The following STAP1 variants were observed in gnomAD, a reference collection of about 807,000 sequenced individuals.
The protein encoded by STAP1 is signal transducing adaptor family member 1.
Under a neutral mutation model 37.8 loss-of-function variants are expected in STAP1, and 30 were observed. That is an observed-to-expected ratio of 0.79 (90% CI 0.59 to 1.08). The LOEUF (loss-of-function observed/expected upper bound fraction) is 1.08. STAP1 is among the 50% of genes least tolerant of loss of function. STAP1 has a pLI of 0.00. For missense variants in STAP1, 357 were observed against 349.4 expected, an observed-to-expected ratio of 1.02 and a Z score of -0.17; for synonymous variants, 130 against 116.0, an observed-to-expected ratio of 1.12 and a Z score of -0.78.
In STAP1 at chr4:67,593,348, A is replaced by C. The variant is rs756099598; in HGVS notation, c.818A>C (p.Glu273Ala). ...AGACCATTTATATGTTCAACTGATG[A>C]AAACACTGGTATGTTTTTCACTTCA... The part of the protein sequence containing the change: ...NLRPFICSTD[E>A]NTGQEPSMEG... Residue 273 changes from glutamate (E) to alanine (A), a missense_variant, in exon 8 of 9, where the codon GAA becomes GCA. By Grantham distance (107) the Glu-to-Ala change is moderately radical (BLOSUM62 -1). Coordinates refer to ENST00000265404, the MANE Select transcript of STAP1 (RefSeq NM_012108.4). 12 of 1,606,540 alleles carry C rather than the reference A, an allele frequency of 7.5e-6. No homozygotes were observed. Among genetic ancestry groups the C allele is most frequent in the Non-Finnish European group, 9.4e-6 (11 of 1,174,874 alleles).
intron 3 of STAP1, among the ~76,000 whole-genome samples, chr4:67,576,891 G>A (rs190048786): frequency 5.3e-5 from 8 of 152,316 alleles, no homozygotes; most frequent in Admixed American, 2.0e-4. Flanking sequence ...TTTAAAGCCA[G>A]TCCATTTTAA....
intron 2 of STAP1, 57 bp from the exon 3 acceptor site, chr4:67,575,328 G>T: frequency 8.4e-7 from 1 of 1,191,670 alleles, no homozygotes; most frequent in Admixed American, 2.6e-5. Flanking sequence ...CTTCCTGCTA[G>T]AACTAATGTG....
chr4:67,592,906 A>ACT (rs1728150454), intron 7 of STAP1, among the ~76,000 whole-genome samples: 1 of 151,744 alleles, frequency 6.6e-6, no homozygotes. Flanking sequence ...CTGGTCTGAA[A>ACT]CTCCTGGTCT....
At chr4:67,580,137 C>A (rs1363718444) in intron 4 of STAP1, among the ~76,000 whole-genome samples, 3 of 152,194 alleles carry the variant, frequency 2.0e-5, no homozygotes, top group African/African-American at 7.2e-5. Context: ...GGATTACAGG[C>A]ATGAGCCACT....
chr4:67,586,130 T>C (rs1226106739), intron 6 of STAP1, among the ~76,000 whole-genome samples: 1 of 152,116 alleles, frequency 6.6e-6, no homozygotes, highest in Non-Finnish European at 1.5e-5. Context: ...CTGCATGAAA[T>C]GAACAAACTC....
intron 4 of STAP1, among the ~76,000 whole-genome samples, chr4:67,577,478 T>G (rs1271140775): frequency 6.6e-6 from 1 of 152,122 alleles, no homozygotes; most frequent in Non-Finnish European, 1.5e-5. Context: ...TTGTGACAAT[T>G]GTTATGAAGA....
At chr4:67,597,765 T>A (rs1330226248) in intron 8 of STAP1, among the ~76,000 whole-genome samples, 2 of 152,212 alleles carry the variant, frequency 1.3e-5, no homozygotes, top group Non-Finnish European at 2.9e-5. Context: ...CCCCTTTGTT[T>A]TGGCCAATTT....
chr4:67,597,842 CTTTGATT>C (rs1198139282), intron 8 of STAP1, among the ~76,000 whole-genome samples: 1 of 152,140 alleles, frequency 6.6e-6, no homozygotes, highest in Non-Finnish European at 1.5e-5. Flanking sequence ...AGTAACTAAT[CTTTGATT>C]TTACAGGCTC....
At chr4:67,605,648 T>C (rs1016048144) in intron 8 of STAP1, among the ~76,000 whole-genome samples, 5 of 152,174 alleles carry the variant, frequency 3.3e-5, no homozygotes, top group Admixed American at 2.6e-4. Context: ...AGAAAAATGA[T>C]GGAAAAGTAC....
chr4:67,575,458 A>T lies in STAP1; in HGVS notation c.266A>T (p.Lys89Ile). 6.2e-7 allele frequency: 1 copy of T among 1,611,254 alleles called. No homozygotes were observed. Among genetic ancestry groups the T allele is most frequent in the Non-Finnish European group, 8.5e-7 (1 of 1,179,098 alleles). The change falls in exon 3 of 9, where the codon AAA becomes ATA. Residue 89 changes from lysine to isoleucine, a missense_variant. By Grantham distance (102) the Lys-to-Ile change is moderately radical (BLOSUM62 -3). Coordinates refer to ENST00000265404, the MANE Select transcript of STAP1 (RefSeq NM_012108.4). ...AATTCAACTGAAAAGAACTGTGCGAAATTCACCCTTGTTTTGCCGAAAGAG... is the reference window on the plus strand; with the variant it reads ...AATTCAACTGAAAAGAACTGTGCGATATTCACCCTTGTTTTGCCGAAAGAG... ...EQNSTEKNCA[K>I]FTLVLPKEEV...
chr4:67,580,039 A>T (rs1727816089), intron 4 of STAP1, among the ~76,000 whole-genome samples: 1 of 152,070 alleles, frequency 6.6e-6, no homozygotes, highest in African/African-American at 2.4e-5. Context: ...TTGTATTTTT[A>T]TTAGAAACGG....
chr4:67,580,149 C>T (rs868403602), intron 4 of STAP1, among the ~76,000 whole-genome samples: 2 of 152,298 alleles, frequency 1.3e-5, no homozygotes, highest in Middle Eastern at 3.4e-3. Flanking sequence ...TGAGCCACTG[C>T]GCCCTCCCGT....
chr4:67,573,053 C>G (rs1727640636), intron 2 of STAP1, among the ~76,000 whole-genome samples: 1 of 152,122 alleles, frequency 6.6e-6, no homozygotes, highest in African/African-American at 2.4e-5. Flanking sequence ...GAAGAAAGCA[C>G]TGGGATAGAC....
At chr4:67,588,140 ATC>A (rs1003645425) in intron 6 of STAP1, among the ~76,000 whole-genome samples, 2 of 147,502 alleles carry the variant, frequency 1.4e-5, no homozygotes, top group African/African-American at 5.0e-5. Context: ...TGTTTTTTTC[ATC>A]TCTTTTTATT....
intron 8 of STAP1, among the ~76,000 whole-genome samples, chr4:67,597,526 T>C (rs182466914): frequency 4.8e-4 from 73 of 152,266 alleles, no homozygotes; most frequent in African/African-American, 1.7e-3. Flanking sequence ...CACCCACAGC[T>C]TGCACCATGT....
chr4:67,583,287 G>A (rs1457930206), intron 5 of STAP1, among the ~76,000 whole-genome samples: 4 of 152,172 alleles, frequency 2.6e-5, no homozygotes, highest in Non-Finnish European at 4.4e-5. Flanking sequence ...GTTAATTCTT[G>A]TTGGTAATGA....
At chr4:67,571,760 A>G (rs1053643646) in intron 2 of STAP1, among the ~76,000 whole-genome samples, 1 of 152,214 alleles carries the variant, frequency 6.6e-6, no homozygotes, top group South Asian at 2.1e-4. Flanking sequence ...GAACACTATA[A>G]GAGACTTTAT....
chr4:67,603,776 C>T (rs1490796977), intron 8 of STAP1, among the ~76,000 whole-genome samples: 1 of 151,800 alleles, frequency 6.6e-6, no homozygotes, highest in Non-Finnish European at 1.5e-5. Flanking sequence ...TTTATGCTCC[C>T]CTCTTCTCTA....
intron 7 of STAP1, among the ~76,000 whole-genome samples, chr4:67,592,994 T>C (rs1438889553): frequency 6.6e-6 from 1 of 152,212 alleles, no homozygotes; most frequent in Non-Finnish European, 1.5e-5. Flanking sequence ...TACATTCTTA[T>C]GCTTTAATTG....
Sources: allele counts gnomAD v4.1 joint callset (sites outside exome capture counted in the v4.1 genomes callset), GRCh38; gene constraint gnomAD v4.1.1; transcripts MANE v1.5; gene names NCBI Gene and HGNC (gene_info 2026-07-23, HGNC 2026-07-21).